The following SPRY3 variants were observed in gnomAD, a reference collection of about 807,000 sequenced individuals.
SPRY3 encodes the protein protein sprouty homolog 3.
SPRY3 carries 15 observed loss-of-function variants against 20.2 expected under a neutral mutation model. The observed-to-expected ratio is 0.74, with a 90% CI of 0.50 to 1.14. SPRY3 has a LOEUF of 1.14. SPRY3 is among the 50% of genes most tolerant of loss of function. The pLI is 0.00. For missense variants in SPRY3, 364 were observed against 363.9 expected, an observed-to-expected ratio of 1.00 and a Z score of 0.00; for synonymous variants, 143 against 136.5, an observed-to-expected ratio of 1.05 and a Z score of -0.33.
intron 3 of SPRY3, among the ~76,000 whole-genome samples, chrX:155,773,334 ATATAT>A (rs1288484361): frequency 8.2e-4 from 120 of 145,848 alleles, no homozygotes; most frequent in African/African-American, 2.8e-3. Flanking sequence ...ATATATATAT[ATATAT>A]ATGAGCAACT....
intron 2 of SPRY3, among the ~76,000 whole-genome samples, chrX:155,682,988 A>G (rs2068078046): frequency 8.9e-6 from 1 of 111,912 alleles, no homozygotes; most frequent in African/African-American, 3.2e-5. Flanking sequence ...GTAAAAACAG[A>G]AAGATTAGAA....
intron 1 of SPRY3, among the ~76,000 whole-genome samples, chrX:155,643,676 A>G (rs1249471544): frequency 9.0e-6 from 1 of 111,414 alleles, no homozygotes; most frequent in Non-Finnish European, 1.9e-5. Flanking sequence ...ATACTGTCTT[A>G]TAATCCATTT....
At chrX:155,630,294 C>A (rs1557350343) in intron 1 of SPRY3, among the ~76,000 whole-genome samples, 1 of 112,125 alleles carries the variant, frequency 8.9e-6, no homozygotes, top group South Asian at 3.6e-4. Context: ...CTGAATTTGA[C>A]TATGTCCTCA....
intron 2 of SPRY3, among the ~76,000 whole-genome samples, chrX:155,763,743 T>G (rs777156274): frequency 2.2e-4 from 34 of 152,304 alleles, no homozygotes; most frequent in South Asian, 1.0e-3. Context: ...TCTGCCCAGA[T>G]CTCAATTCCT....
At chrX:155,746,141 T>C (rs1330205674) in intron 2 of SPRY3, among the ~76,000 whole-genome samples, 2 of 151,574 alleles carry the variant, frequency 1.3e-5, no homozygotes, top group Non-Finnish European at 2.9e-5. Flanking sequence ...TTTGTAGCAG[T>C]GTGAATTGGC....
chrX:155,670,732 C>G (rs190633763), intron 2 of SPRY3, among the ~76,000 whole-genome samples: 1 of 111,865 alleles, frequency 8.9e-6, no homozygotes, highest in African/African-American at 3.2e-5. Flanking sequence ...TCATAACAAT[C>G]TGTGGGGTAG....
At chrX:155,739,139 C>A (rs2091188412) in intron 2 of SPRY3, among the ~76,000 whole-genome samples, 1 of 152,082 alleles carries the variant, frequency 6.6e-6, no homozygotes, top group Non-Finnish European at 1.5e-5. Context: ...TGGTACAGAC[C>A]AGCAGGAGTT....
At chrX:155,672,229 T>C (rs1330576386) in intron 2 of SPRY3, among the ~76,000 whole-genome samples, 1 of 110,692 alleles carries the variant, frequency 9.0e-6, no homozygotes, top group African/African-American at 3.3e-5. Flanking sequence ...CTAATTAAAC[T>C]AAAGAGCTTC....
At chrX:155,723,245 A>G (rs1244346330) in intron 2 of SPRY3, among the ~76,000 whole-genome samples, 6 of 152,106 alleles carry the variant, frequency 3.9e-5, no homozygotes, top group Non-Finnish European at 7.3e-5. Context: ...ATAAACATAC[A>G]TGTGCATGTG....
At chrX:155,659,815 G>A (rs1421688232) in intron 2 of SPRY3, among the ~76,000 whole-genome samples, 1 of 111,695 alleles carries the variant, frequency 9.0e-6, no homozygotes, top group Non-Finnish European at 1.9e-5. Flanking sequence ...TGTATGCATA[G>A]AGATGTTTAT....
At chrX:155,769,355 A>G (rs935410847) in intron 3 of SPRY3, among the ~76,000 whole-genome samples, 1 of 152,174 alleles carries the variant, frequency 6.6e-6, no homozygotes, top group Non-Finnish European at 1.5e-5. Flanking sequence ...AAATGCAACC[A>G]ACAAACCCAA....
chrX:155,722,743 A>T (rs1349419504), intron 2 of SPRY3, among the ~76,000 whole-genome samples: 1 of 152,070 alleles, frequency 6.6e-6, no homozygotes, highest in South Asian at 2.1e-4. Context: ...CTGAATGGAT[A>T]AAAAAAGTAA....
chrX:155,774,896 T>G (rs1311596672), exon 4 of SPRY3: 2 of 779,204 alleles, frequency 2.6e-6, no homozygotes, highest in Non-Finnish European at 4.2e-6. Flanking sequence ...TACATCCTGG[T>G]GCAGGATGCC....
chrX:155,640,861 A>G (rs1225800602), intron 1 of SPRY3, among the ~76,000 whole-genome samples: 1 of 111,752 alleles, frequency 8.9e-6, no homozygotes, highest in Non-Finnish European at 1.9e-5. Flanking sequence ...TTAATATCGT[A>G]TCATCTGCAA....
chrX:155,725,200 G>A (rs1347115434), intron 2 of SPRY3, among the ~76,000 whole-genome samples: 2 of 152,164 alleles, frequency 1.3e-5, no homozygotes, highest in Admixed American at 6.5e-5. Context: ...GCTTTTTGAT[G>A]TGCTGCTAGA....
chrX:155,712,795 T>G (rs997901466), intron 2 of SPRY3, among the ~76,000 whole-genome samples: 1 of 151,882 alleles, frequency 6.6e-6, no homozygotes, highest in East Asian at 1.9e-4. Context: ...TGATTTTCTC[T>G]GGTGGTATAA....
At chrX:155,632,249 A>ACACACACG (rs1557350593) in intron 1 of SPRY3, among the ~76,000 whole-genome samples, 7 of 110,877 alleles carry the variant, frequency 6.3e-5, no homozygotes, top group African/African-American at 2.3e-4. Flanking sequence ...ACACACACGC[A>ACACACACG]CACACACACT....
At chrX:155,640,307 A>G (rs2067936658) in intron 1 of SPRY3, among the ~76,000 whole-genome samples, 1 of 112,447 alleles carries the variant, frequency 8.9e-6, no homozygotes, top group Admixed American at 9.4e-5. Flanking sequence ...CTAGAGAAAA[A>G]GTGTTATTAA....
At chrX:155,641,686 A>T (rs2067941547) in intron 1 of SPRY3, among the ~76,000 whole-genome samples, 1 of 115,098 alleles carries the variant, frequency 8.7e-6, no homozygotes, top group Non-Finnish European at 1.9e-5. Context: ...CCGGAATTGT[A>T]ACTTAAGGTT....
Sources: gnomAD v4.1 joint callset for allele counts (sites outside exome capture counted in the v4.1 genomes callset) on GRCh38, gnomAD v4.1.1 for gene constraint, MANE v1.5 for transcripts, NCBI Gene and HGNC (gene_info 2026-07-23, HGNC 2026-07-21) for gene names.